The following DIP2A variants were observed in gnomAD, a reference collection of about 807,000 sequenced individuals.
The protein encoded by DIP2A is disco-interacting protein 2 homolog A.
In DIP2A, 85 loss-of-function variants were observed where a neutral mutation model predicts 177.4. The observed-to-expected ratio is 0.48, with a 90% CI of 0.40 to 0.57. The LOEUF is 0.57. Ranked by LOEUF, DIP2A falls within the 20% of genes least tolerant of loss-of-function variation. The probability of loss-of-function intolerance (pLI) is 0.00; values close to 1 mark genes in which losing one functional copy is unlikely to be tolerated. For missense variants in DIP2A, 1,791 were observed against 2,100.2 expected, an observed-to-expected ratio of 0.85 and a Z score of 2.88; for synonymous variants, 886 against 881.8, an observed-to-expected ratio of 1.00 and a Z score of -0.08.
At chr21:46,581,304 A>T in the DIP2A span, among the ~76,000 whole-genome samples, 1 of 152,186 alleles carries the variant, frequency 6.6e-6, no homozygotes, top group African/African-American at 2.4e-5. Context: ...CAGATCATTT[A>T]TGTTCCTCTG....
At chr21:46,528,640 C>T (rs2059227379) in intron 8 of DIP2A, among the ~76,000 whole-genome samples, 1 of 144,310 alleles carries the variant, frequency 6.9e-6, no homozygotes, top group African/African-American at 2.6e-5. Context: ...AATTCTCATG[C>T]TTCAGCCTCC....
chr21:46,538,471 C>A lies in DIP2A; in HGVS notation c.1802-12C>A, dbSNP rs1294402481. 1.3e-6 allele frequency: 2 copies of A among 1,542,212 alleles called. No homozygotes were observed. Among genetic ancestry groups the A allele is most frequent in the Admixed American group, 3.9e-5 (2 of 50,990 alleles). On this transcript the variant is annotated splice_polypyrimidine_tract_variant and intron_variant, in intron 15 of 37. Coordinates refer to ENST00000417564, the MANE Select transcript of DIP2A (RefSeq NM_015151.4). ...GTGACGCAGGGATGTCTGTGCCATC[C>A]TCTCTCTGCAGCTCGGGCCGCGCTG...
chr21:46,489,123 A>G (rs1601466781), intron 2 of DIP2A, among the ~76,000 whole-genome samples: 3 of 152,086 alleles, frequency 2.0e-5, no homozygotes, highest in Non-Finnish European at 4.4e-5. Flanking sequence ...GTGTGTGTGG[A>G]TGTGTGTGTG....
At chr21:46,504,201 A>G in intron 5 of DIP2A, 160 bp from the exon 6 acceptor site, 2 of 938,482 alleles carry the variant, frequency 2.1e-6, no homozygotes, top group Non-Finnish European at 1.6e-6. Context: ...GGGTCCCAGT[A>G]TGCCTTTGGT....
Position 46,567,649 on chromosome 21 carries a change from A to C in DIP2A, c.*27A>C, listed in dbSNP as rs756306486. ...CGCAGCACACCGGCCCAGGTGCCGG[A>C]GATGAATGAGCCCCAGCAGTCCAAG... On this transcript the variant is annotated 3_prime_UTR_variant, in exon 38 of 38. Transcript: ENST00000417564. The C allele has an allele frequency of 6.4e-7, 1 of 1,556,668 alleles. No individual in the cohort carries two copies. Among genetic ancestry groups the C allele is most frequent in the Non-Finnish European group, 8.7e-7 (1 of 1,148,980 alleles).
chr21:46,518,445 G>A (rs940110301), intron 8 of DIP2A, among the ~76,000 whole-genome samples: 5 of 152,216 alleles, frequency 3.3e-5, no homozygotes, highest in African/African-American at 1.2e-4. Flanking sequence ...TGAGAATATG[G>A]TGGTATTTCA....
intron 13 of DIP2A, among the ~76,000 whole-genome samples, chr21:46,535,822 G>C (rs1883998154): frequency 6.6e-6 from 1 of 152,142 alleles, no homozygotes; most frequent in South Asian, 2.1e-4. Context: ...TGTGCCTATA[G>C]TCCCAGCTAC....
At chr21:46,462,828 A>G (rs148852336) in intron 1 of DIP2A, 12 of 152,232 alleles carry the variant, frequency 7.9e-5, no homozygotes, top group African/African-American at 2.7e-4. Context: ...TGTTGAAAGT[A>G]TCCTCTGCCT....
rs1389352247 is a variant in DIP2A at position 46,546,988 on chromosome 21, A to G, written c.2468A>G (p.Asp823Gly). 1.9e-6 allele frequency: 3 copies of G among 1,613,960 alleles called. No homozygotes were observed. Among genetic ancestry groups the G allele is most frequent in the South Asian group, 1.1e-5 (1 of 91,070 alleles). ...VTGVRRHNAD[D>G]VVATALAVEP... ...GGAGTTCGCAGACACAATGCAGATG[A>G]CGTTGTGGCCACCGCACTGGCCGTG... Residue 823 changes from aspartate (D) to glycine (G), a missense_variant, in exon 21 of 38, where the codon GAC becomes GGC. By Grantham distance (94) the Asp-to-Gly change is moderately conservative. Coordinates refer to ENST00000417564, the MANE Select transcript of DIP2A (RefSeq NM_015151.4).
At chr21:46,545,540 G>A (rs1465243767) in intron 19 of DIP2A, among the ~76,000 whole-genome samples, 1 of 152,228 alleles carries the variant, frequency 6.6e-6, no homozygotes, top group Non-Finnish European at 1.5e-5. Context: ...GGGTGTGTGG[G>A]TGCGGCCTGG....
At chr21:46,459,354 G>A (rs1222263293) in intron 1 of DIP2A, 132 bp downstream of exon 1, 1 of 649,342 alleles carries the variant, frequency 1.5e-6, no homozygotes, top group Non-Finnish European at 2.3e-6. Context: ...ACCCCCACGC[G>A]GCCTCGCCCC....
At chr21:46,477,567 GTATTTCTT>G (rs1197022676) in intron 1 of DIP2A, among the ~76,000 whole-genome samples, 3 of 115,230 alleles carry the variant, frequency 2.6e-5, no homozygotes, top group Admixed American at 9.1e-5. Flanking sequence ...GTGTGTGTGT[GTATTTCTT>G]TTTTTTTTTT....
At chr21:46,497,650 A>G (rs2057430359) in intron 4 of DIP2A, among the ~76,000 whole-genome samples, 1 of 152,218 alleles carries the variant, frequency 6.6e-6, no homozygotes, top group Non-Finnish European at 1.5e-5. Flanking sequence ...AAACTGTACA[A>G]GATGTCGATA....
chr21:46,561,884 G>A lies in DIP2A; in HGVS notation c.4089+79G>A. ...AAGCATCACCCCGTGGAGGGTGCTG[G>A]GGGCTGCGGCTCTGATGAACACAGG... On this transcript the variant is annotated intron_variant, in intron 34 of 37. Transcript: ENST00000417564. The A allele has an allele frequency of 1.3e-5, 21 of 1,584,050 alleles. No homozygotes were observed. The South Asian group carries it at 2.4e-4, about 18-fold the overall frequency.
chr21:46,530,001 C>A (rs773673957), intron 9 of DIP2A, among the ~76,000 whole-genome samples: 50 of 152,186 alleles, frequency 3.3e-4, no homozygotes, highest in Non-Finnish European at 6.9e-4. Flanking sequence ...AATTTAGTTT[C>A]TTGGTTGCAC....
intron 13 of DIP2A, 103 bp downstream of exon 13, chr21:46,534,790 G>A: frequency 1.0e-6 from 1 of 985,348 alleles, no homozygotes; most frequent in Non-Finnish European, 1.5e-6. Flanking sequence ...ACCACCCCTG[G>A]GTAGTGCCTT....
chr21:46,483,653 T>C (rs2056499641), intron 1 of DIP2A, among the ~76,000 whole-genome samples: 2 of 152,254 alleles, frequency 1.3e-5, no homozygotes, highest in African/African-American at 4.8e-5. Flanking sequence ...TATTCAACGG[T>C]GTCAGTCTGT....
At chr21:46,468,427 A>AAAAAG (rs2055050834) in intron 1 of DIP2A, among the ~76,000 whole-genome samples, 1 of 149,984 alleles carries the variant, frequency 6.7e-6, no homozygotes, top group Non-Finnish European at 1.5e-5. Context: ...AAAAAAAAAA[A>AAAAAG]AGAGAGAAAA....
At chr21:46,465,619 G>A (rs76995051) in intron 1 of DIP2A, among the ~76,000 whole-genome samples, 3 of 152,068 alleles carry the variant, frequency 2.0e-5, no homozygotes, top group Admixed American at 6.6e-5. Flanking sequence ...GCACTTTAAC[G>A]TAAATTGAGG....
Sources: allele counts gnomAD v4.1 joint callset (sites outside exome capture counted in the v4.1 genomes callset), GRCh38; gene constraint gnomAD v4.1.1; transcripts MANE v1.5; gene names NCBI Gene and HGNC (gene_info 2026-07-23, HGNC 2026-07-21).